The following USH2A variants were observed in gnomAD, a reference collection of about 807,000 sequenced individuals.
The protein encoded by USH2A is Usher syndrome 2A (autosomal recessive, mild).
A neutral mutation model predicts 538.9 loss-of-function variants in USH2A; 443 were observed. The observed-to-expected ratio is 0.82, with a 90% CI of 0.76 to 0.89. The LOEUF is 0.89. USH2A is among the 40% of genes least tolerant of loss of function. USH2A has a pLI of 0.00. For synonymous variants in USH2A, 2,413 were observed against 2,273.5 expected (o/e 1.06, Z -1.75); for missense variants, 6,633 against 6,324.8 (o/e 1.05, Z -1.65).
chr1:215,680,666 T>TAA (rs879571874), intron 61 of USH2A, among the ~76,000 whole-genome samples: 2 of 143,724 alleles, frequency 1.4e-5, no homozygotes, highest in Admixed American at 6.9e-5. Flanking sequence ...ATATAAACAT[T>TAA]AAAAAAAAAA....
intron 56 of USH2A, among the ~76,000 whole-genome samples, chr1:215,760,305 A>G (rs1035456258): frequency 5.9e-5 from 9 of 152,016 alleles, no homozygotes; most frequent in Non-Finnish European, 1.0e-4. Flanking sequence ...ATTTACTGGG[A>G]TCTCTTCCCC....
chr1:216,410,025 A>C (rs1278989038), intron 3 of USH2A, among the ~76,000 whole-genome samples: 1 of 152,172 alleles, frequency 6.6e-6, no homozygotes, highest in African/African-American at 2.4e-5. Context: ...CAAGAAAAAA[A>C]CAACCCTATT....
rs2102460604 is a variant in USH2A at position 216,196,675 on chromosome 1, A to T, written c.4129T>A (p.Ser1377Thr). 6.2e-7 allele frequency: 1 copy of T among 1,613,510 alleles called. No homozygotes were observed. The highest frequency in any genetic ancestry group is 1.7e-5 in the Admixed American group (1 of 59,988). Residue 1377 changes from serine to threonine, a missense_variant, in exon 19 of 72, where the codon TCT becomes ACT. Transcript: ENST00000307340. ...PPSVFPLSSY[S>T]LNISWEKPAD... ...GGCTTCTCCCAGGAGATATTGAGAGAGTACGAAGAGAGGGGAAAGACTGAA... is the reference window on the plus strand; with the variant it reads ...GGCTTCTCCCAGGAGATATTGAGAGTGTACGAAGAGAGGGGAAAGACTGAA...
At chr1:215,965,086 G>A (rs1420512513) in intron 37 of USH2A, among the ~76,000 whole-genome samples, 3 of 152,192 alleles carry the variant, frequency 2.0e-5, no homozygotes, top group South Asian at 2.1e-4. Context: ...TGGGGCAGAA[G>A]CTCTACAACG....
chr1:216,254,322 C>A (rs1369033146), intron 11 of USH2A, among the ~76,000 whole-genome samples: 8 of 151,820 alleles, frequency 5.3e-5, no homozygotes, highest in East Asian at 1.9e-4. Flanking sequence ...TAGATTCTAC[C>A]TTTTTAATGT....
intron 47 of USH2A, among the ~76,000 whole-genome samples, chr1:215,820,293 A>ACACC (rs1662976078): frequency 6.6e-6 from 1 of 151,398 alleles, no homozygotes; most frequent in African/African-American, 2.4e-5. Context: ...ATTCCTTCAC[A>ACACC]CACACACACA....
chr1:215,927,021 G>A (rs763386331), intron 38 of USH2A, among the ~76,000 whole-genome samples: 1 of 152,108 alleles, frequency 6.6e-6, no homozygotes, highest in Non-Finnish European at 1.5e-5. Flanking sequence ...TTCTGCAGTC[G>A]CAGGTAGAAT....
At chr1:216,036,949 A>G (rs2030013777) in intron 32 of USH2A, among the ~76,000 whole-genome samples, 1 of 152,178 alleles carries the variant, frequency 6.6e-6, no homozygotes, top group Non-Finnish European at 1.5e-5. Flanking sequence ...AATGGAATTA[A>G]AAAATAAAAA....
chr1:215,858,431 C>T lies in USH2A; in HGVS notation c.8845+8576G>A, dbSNP rs184730557. ...CGCTGTTCTCATGATAGTGAGTTCT[C>T]GCAAGATCTGATGGTTTCATAAGTG... On this transcript the variant is annotated intron_variant, in intron 44 of 71. Transcript: ENST00000307340. 6.0e-5 allele frequency among the ~76,000 whole-genome samples: 9 copies of T among 150,720 alleles called. No individual in the cohort carries two copies. In the East Asian group the frequency reaches 7.9e-4, roughly 13 times the overall value.
chr1:216,355,323 G>GAAAGAAAGAA (rs2038367260), intron 4 of USH2A, among the ~76,000 whole-genome samples: 3 of 74,870 alleles, frequency 4.0e-5, no homozygotes, highest in Admixed American at 1.2e-4. Flanking sequence ...AAGAAAGAAA[G>GAAAGAAAGAA]AAAGAAAGAA....
At chr1:215,861,133 T>G (rs560485368) in intron 44 of USH2A, among the ~76,000 whole-genome samples, 1 of 152,300 alleles carries the variant, frequency 6.6e-6, no homozygotes, top group East Asian at 1.9e-4. Context: ...GCATATCTCC[T>G]GTCTTGTCTC....
At chr1:216,419,552 G>A (rs932680731) in intron 2 of USH2A, among the ~76,000 whole-genome samples, 2 of 152,026 alleles carry the variant, frequency 1.3e-5, no homozygotes, top group Non-Finnish European at 2.9e-5. Context: ...CCTGCTCAGG[G>A]TCGGTTGAGG....
intron 3 of USH2A, among the ~76,000 whole-genome samples, chr1:216,399,102 A>G (rs952061763): frequency 4.6e-5 from 7 of 152,142 alleles, no homozygotes; most frequent in Admixed American, 3.9e-4. Flanking sequence ...GAAGTGGTGC[A>G]AGGCAGGACT....
chr1:216,093,097 G>T (rs557482141), intron 22 of USH2A, among the ~76,000 whole-genome samples: 2 of 151,824 alleles, frequency 1.3e-5, no homozygotes, highest in African/African-American at 2.4e-5. Context: ...CCCGAGTAGC[G>T]GGGATTACAG....
intron 52 of USH2A, among the ~76,000 whole-genome samples, chr1:215,783,944 C>T (rs1278596239): frequency 6.6e-6 from 1 of 152,188 alleles, no homozygotes; most frequent in Non-Finnish European, 1.5e-5. Context: ...ATAAACCCTT[C>T]CCTGCCCACT....
intron 49 of USH2A, among the ~76,000 whole-genome samples, chr1:215,813,406 C>A (rs2102792673): frequency 6.6e-6 from 1 of 152,086 alleles, no homozygotes. Context: ...GTGGAACAGT[C>A]AGCAATTCAC....
chr1:215,783,432 A>G (rs1162880438), intron 52 of USH2A, among the ~76,000 whole-genome samples: 2 of 152,208 alleles, frequency 1.3e-5, no homozygotes, highest in East Asian at 3.8e-4. Context: ...TCATGGTACC[A>G]TGTTAGTGAA....
intron 61 of USH2A, among the ~76,000 whole-genome samples, chr1:215,708,615 A>G (rs1374619525): frequency 1.3e-5 from 2 of 152,162 alleles, no homozygotes; most frequent in African/African-American, 4.8e-5. Flanking sequence ...TCTCATAAGG[A>G]GCACACAACT....
At chr1:216,178,214 T>C (rs2034429561) in intron 20 of USH2A, among the ~76,000 whole-genome samples, 1 of 152,200 alleles carries the variant, frequency 6.6e-6, no homozygotes, top group South Asian at 2.1e-4. Context: ...GAAGGATAAT[T>C]AACAATTCTG....
Sources: allele counts gnomAD v4.1 joint callset (sites outside exome capture counted in the v4.1 genomes callset), GRCh38; gene constraint gnomAD v4.1.1; transcripts MANE v1.5; gene names NCBI Gene and HGNC (gene_info 2026-07-23, HGNC 2026-07-21).